The following NHS variants were observed in gnomAD, a reference collection of about 807,000 sequenced individuals.
NHS encodes the protein NHS actin remodeling regulator.
In NHS, 5 loss-of-function variants were observed where a neutral mutation model predicts 72.5. That is an observed-to-expected ratio of 0.07 (90% confidence interval 0.04 to 0.14). NHS has a LOEUF of 0.14. Among genes scored for constraint, NHS ranks in the 10% least tolerant of loss-of-function variants. The pLI is 1.00. For missense variants in NHS, 1,072 were observed against 1,355.7 expected (o/e 0.79, Z 3.29); for synonymous variants, 464 against 547.7 (o/e 0.85, Z 2.13).
intron 1 of NHS, among the ~76,000 whole-genome samples, chrX:17,408,954 GGAGAGAGA>G (rs369974924): frequency 4.8e-5 from 5 of 103,418 alleles, no homozygotes; most frequent in African/African-American, 1.5e-4. Context: ...GACGGAGAGA[GGAGAGAGA>G]GAGAGAGAGA....
At chrX:17,658,132 C>T (rs1265028438) in intron 1 of NHS, among the ~76,000 whole-genome samples, 2 of 112,862 alleles carry the variant, frequency 1.8e-5, no homozygotes, top group East Asian at 2.8e-4. Flanking sequence ...GTCCTAGATT[C>T]TGTGAGCCTG....
At chrX:17,648,117 C>T (rs1436547138) in intron 1 of NHS, among the ~76,000 whole-genome samples, 6 of 111,763 alleles carry the variant, frequency 5.4e-5, no homozygotes. Context: ...CATAAAAAGT[C>T]ACCCAGTACT....
At chrX:17,408,285 C>G (rs1268235493) in intron 1 of NHS, among the ~76,000 whole-genome samples, 1 of 111,708 alleles carries the variant, frequency 9.0e-6, no homozygotes, top group Non-Finnish European at 1.9e-5. Flanking sequence ...GGGTTACAGG[C>G]ATGAGCCACT....
At chrX:17,460,143 C>G (rs1476599622) in intron 1 of NHS, among the ~76,000 whole-genome samples, 1 of 111,687 alleles carries the variant, frequency 9.0e-6, no homozygotes, top group Non-Finnish European at 1.9e-5. Context: ...TTCCCAAGTA[C>G]AATGTTTATT....
chrX:17,665,201 A>G (rs1472186534), intron 1 of NHS, among the ~76,000 whole-genome samples: 2 of 70,864 alleles, frequency 2.8e-5, no homozygotes, highest in South Asian at 9.0e-4. Flanking sequence ...TTGTCTAAAT[A>G]ATGACAGTAT....
At chrX:17,687,453 A>G (rs915695030) in intron 1 of NHS, 2 of 343,824 alleles carry the variant, frequency 5.8e-6, no homozygotes, top group African/African-American at 5.2e-5. Context: ...TTGATGAGCG[A>G]CTGTGCCAAG....
At chrX:17,376,459 C>A in intron 1 of NHS, 137 bp downstream of exon 1, 1 of 573,283 alleles carries the variant, frequency 1.7e-6, no homozygotes, top group Non-Finnish European at 2.8e-6. Flanking sequence ...GCCTTCCCAC[C>A]CTTCCCATCC....
chrX:17,544,736 C>T (rs2065283469), intron 1 of NHS, among the ~76,000 whole-genome samples: 1 of 111,956 alleles, frequency 8.9e-6, no homozygotes, highest in Non-Finnish European at 1.9e-5. Flanking sequence ...TGGTCTTGAA[C>T]TTCTGACCTC....
intron 1 of NHS, among the ~76,000 whole-genome samples, chrX:17,640,857 G>A (rs1478490593): frequency 1.8e-5 from 2 of 112,497 alleles, no homozygotes; most frequent in African/African-American, 6.5e-5. Flanking sequence ...GGCTTAAATG[G>A]ATGATAAATT....
intron 1 of NHS, among the ~76,000 whole-genome samples, chrX:17,637,916 C>T (rs756835188): frequency 9.8e-5 from 11 of 112,130 alleles, no homozygotes; most frequent in Non-Finnish European, 1.5e-4. Flanking sequence ...CAGCCACGTG[C>T]TGGATGTTGT....
At chrX:17,706,424 A>G (rs2066296285) in intron 3 of NHS, among the ~76,000 whole-genome samples, 1 of 110,821 alleles carries the variant, frequency 9.0e-6, no homozygotes, top group African/African-American at 3.3e-5. Context: ...AAGATGGGTA[A>G]TGAGTAATGG....
Position 17,658,873 on chromosome X carries a change from C to T in NHS, c.566-28869C>T, listed in dbSNP as rs181183099. On this transcript the variant is annotated intron_variant, in intron 1 of 8. Transcript: ENST00000676302. ...TTCCTCTTGAAGATCAGAACCTAAACCAGCAATTGACTAGAGACCCACAGT... is the reference window on the plus strand; with the variant it reads ...TTCCTCTTGAAGATCAGAACCTAAATCAGCAATTGACTAGAGACCCACAGT... Among the ~76,000 whole-genome samples the T allele has an allele frequency of 4.6e-4, 52 of 112,047 alleles. 1 individual carries two copies. Among genetic ancestry groups the T allele is most frequent in the African/African-American group, 1.6e-3 (50 of 30,851 alleles).
At chrX:17,400,415 G>A (rs1314685215) in intron 1 of NHS, among the ~76,000 whole-genome samples, 2 of 110,799 alleles carry the variant, frequency 1.8e-5, no homozygotes, top group African/African-American at 6.6e-5. Context: ...ATGAAACCTC[G>A]TCTCTACTAA....
At chrX:17,460,472 G>A (rs1415807912) in intron 1 of NHS, among the ~76,000 whole-genome samples, 1 of 109,965 alleles carries the variant, frequency 9.1e-6, no homozygotes, top group African/African-American at 3.3e-5. Flanking sequence ...CATCAGATCT[G>A]GTGAAAGCTC....
At chrX:17,614,723 C>G (rs750472488) in intron 1 of NHS, among the ~76,000 whole-genome samples, 1 of 111,111 alleles carries the variant, frequency 9.0e-6, no homozygotes, top group Non-Finnish European at 1.9e-5. Context: ...AACTTTTTCC[C>G]CTCCTTAGCA....
At chrX:17,513,091 G>A (rs954544022) in intron 1 of NHS, among the ~76,000 whole-genome samples, 4 of 111,819 alleles carry the variant, frequency 3.6e-5, no homozygotes, top group Admixed American at 9.5e-5. Flanking sequence ...TTCTTGGAAC[G>A]GGCTTAAACC....
chrX:17,714,585 T>C (rs2066354182), intron 3 of NHS, among the ~76,000 whole-genome samples: 1 of 112,545 alleles, frequency 8.9e-6, no homozygotes, highest in Non-Finnish European at 1.9e-5. Flanking sequence ...ATGTTATTTC[T>C]CTAGAAGAGA....
At chrX:17,728,490 G>C (rs1364900694) in intron 7 of NHS, among the ~76,000 whole-genome samples, 159 bp from the exon 8 acceptor site, 3 of 111,937 alleles carry the variant, frequency 2.7e-5, no homozygotes, top group African/African-American at 9.8e-5. Flanking sequence ...TTTGTTACTG[G>C]GTGAGTAAGC....
intron 2 of NHS, among the ~76,000 whole-genome samples, chrX:17,690,624 C>A (rs918850214): frequency 8.9e-6 from 1 of 112,117 alleles, no homozygotes; most frequent in Non-Finnish European, 1.9e-5. Flanking sequence ...AAAGCAATAA[C>A]GTATGCTGCC....
Sources: gnomAD v4.1 joint callset for allele counts (sites outside exome capture counted in the v4.1 genomes callset) on GRCh38, gnomAD v4.1.1 for gene constraint, MANE v1.5 for transcripts, NCBI Gene and HGNC (gene_info 2026-07-23, HGNC 2026-07-21) for gene names.